The following FOXN3 variants were observed in gnomAD, a reference collection of about 807,000 sequenced individuals.
FOXN3 encodes the protein forkhead box protein N3.
FOXN3 carries 7 observed loss-of-function variants against 38.4 expected under a neutral mutation model. That is an observed-to-expected ratio of 0.18 (90% confidence interval 0.10 to 0.34). FOXN3 has a LOEUF of 0.34. Ranked by LOEUF, FOXN3 falls within the 10% of genes least tolerant of loss-of-function variation. FOXN3 has a pLI of 1.00. For synonymous variants in FOXN3, 230 were observed against 242.2 expected (o/e 0.95, Z 0.47); for missense variants, 456 against 613.4 (o/e 0.74, Z 2.71).
chr14:89,517,976 G>A (rs1894239611), intron 1 of FOXN3, among the ~76,000 whole-genome samples: 2 of 152,142 alleles, frequency 1.3e-5, no homozygotes, highest in Admixed American at 6.5e-5. Context: ...TTTTAAAAGA[G>A]CCAAAACAAG....
At chr14:89,291,609 C>T (rs1886875634) in intron 3 of FOXN3, 1 of 512,514 alleles carries the variant, frequency 2.0e-6, no homozygotes, top group Non-Finnish European at 3.8e-6. Context: ...CTTTGCTGCC[C>T]TGGGGTCCTG....
At chr14:89,444,871 G>A (rs572252770) in intron 1 of FOXN3, among the ~76,000 whole-genome samples, 4 of 152,156 alleles carry the variant, frequency 2.6e-5, no homozygotes, top group South Asian at 4.1e-4. Flanking sequence ...CTATAGTCCC[G>A]GCACTTTGGG....
At chr14:89,296,726 C>T (rs1472524086) in intron 3 of FOXN3, among the ~76,000 whole-genome samples, 1 of 152,356 alleles carries the variant, frequency 6.6e-6, no homozygotes, top group East Asian at 1.9e-4. Flanking sequence ...ACCTCCACCT[C>T]CTGGGCTCAA....
Position 89,157,586 on chromosome 14 carries a change from T to C in FOXN3, c.*4828A>G, listed in dbSNP as rs1261966189. ...GGAACACCACACAATGTATATACTT[T>C]GATTTACACATTCCGTTACAAAGGA... is the stretch of plus-strand genomic sequence containing the variant. On this transcript the variant is annotated 3_prime_UTR_variant, in exon 6 of 6. Coordinates refer to ENST00000557258, the MANE Select transcript of FOXN3 (RefSeq NM_005197.4). 1.3e-5 allele frequency: 2 copies of C among 152,758 alleles called. No individual in the cohort carries two copies. The highest frequency in any genetic ancestry group is 2.1e-4 in the South Asian group (1 of 4,826). 9.5% of individuals were successfully genotyped at this position (152,758 alleles called of 1,614,324 possible).
intron 2 of FOXN3, among the ~76,000 whole-genome samples, chr14:89,389,246 A>G (rs1566975016): frequency 6.6e-6 from 1 of 152,234 alleles, no homozygotes; most frequent in East Asian, 1.9e-4. Context: ...AAAAACTTAC[A>G]TGTTACAATG....
intron 1 of FOXN3, among the ~76,000 whole-genome samples, chr14:89,555,667 T>C (rs912846831): frequency 3.9e-5 from 6 of 152,178 alleles, no homozygotes; most frequent in Non-Finnish European, 8.8e-5. Flanking sequence ...TCTAAGCCCA[T>C]TCATTCATCC....
intron 4 of FOXN3, among the ~76,000 whole-genome samples, chr14:89,243,428 C>T (rs1012832668): frequency 4.6e-5 from 7 of 152,182 alleles, no homozygotes; most frequent in Admixed American, 1.3e-4. Context: ...CACAAACACC[C>T]GCATTGTATT....
intron 1 of FOXN3, among the ~76,000 whole-genome samples, chr14:89,525,159 C>G (rs1293429410): frequency 6.6e-6 from 1 of 152,108 alleles, no homozygotes; most frequent in Non-Finnish European, 1.5e-5. Flanking sequence ...ACCTACTGGG[C>G]TGCATTCCCA....
chr14:89,565,093 C>CAAAAA (rs59821937), intron 1 of FOXN3, among the ~76,000 whole-genome samples: 2 of 52,898 alleles, frequency 3.8e-5, no homozygotes, highest in African/African-American at 7.2e-5. Flanking sequence ...GAGCTCGTCT[C>CAAAAA]AAAAAAAAAA....
At chr14:89,252,654 C>CAAA (rs397827971) in intron 4 of FOXN3, among the ~76,000 whole-genome samples, 2 of 93,950 alleles carry the variant, frequency 2.1e-5, no homozygotes, top group Admixed American at 1.2e-4. Flanking sequence ...AACTCTATCT[C>CAAA]AAAAAAAAAA....
At chr14:89,617,331 G>A (rs570156606) in intron 1 of FOXN3, among the ~76,000 whole-genome samples, 12 of 152,286 alleles carry the variant, frequency 7.9e-5, no homozygotes, top group African/African-American at 2.4e-4. Flanking sequence ...TTCTTATATG[G>A]TGCAGAATGC....
chr14:89,254,654 C>G (rs1472537827), intron 4 of FOXN3, among the ~76,000 whole-genome samples: 1 of 152,156 alleles, frequency 6.6e-6, no homozygotes. Flanking sequence ...TAAAAAAACC[C>G]ATCTGTGTAC....
chr14:89,263,328 G>C (rs537945758), intron 4 of FOXN3, among the ~76,000 whole-genome samples: 1 of 151,574 alleles, frequency 6.6e-6, no homozygotes, highest in African/African-American at 2.4e-5. Flanking sequence ...TTACAGTTGT[G>C]AACCTAACTC....
intron 3 of FOXN3, among the ~76,000 whole-genome samples, chr14:89,323,218 G>T (rs1887942486): frequency 6.6e-6 from 1 of 150,742 alleles, no homozygotes; most frequent in Non-Finnish European, 1.5e-5. Flanking sequence ...AACCCAGGAG[G>T]CAGAGGTTGC....
intron 1 of FOXN3, chr14:89,494,048 T>C (rs964142547): frequency 1.3e-5 from 2 of 152,208 alleles, no homozygotes; most frequent in Non-Finnish European, 2.9e-5. Context: ...AGAAGGGGAA[T>C]GCCGCAACCC....
At chr14:89,301,237 G>T (rs1887208797) in intron 3 of FOXN3, among the ~76,000 whole-genome samples, 1 of 151,958 alleles carries the variant, frequency 6.6e-6, no homozygotes, top group African/African-American at 2.4e-5. Flanking sequence ...TTGGGAGACT[G>T]AGGCAGGAAG....
intron 4 of FOXN3, among the ~76,000 whole-genome samples, chr14:89,195,719 G>C (rs78873849): frequency 6.6e-6 from 1 of 152,118 alleles, no homozygotes; most frequent in Non-Finnish European, 1.5e-5. Flanking sequence ...TAGGAATGGA[G>C]ACCCACTTGG....
intron 3 of FOXN3, among the ~76,000 whole-genome samples, chr14:89,287,970 G>A (rs1286987783): frequency 6.6e-6 from 1 of 151,836 alleles, no homozygotes; most frequent in Non-Finnish European, 1.5e-5. Context: ...TGAGGTGGGT[G>A]GATCGCTTGA....
At chr14:89,551,111 G>C (rs1894997869) in intron 1 of FOXN3, among the ~76,000 whole-genome samples, 1 of 152,168 alleles carries the variant, frequency 6.6e-6, no homozygotes, top group African/African-American at 2.4e-5. Context: ...CCGGGATAGA[G>C]GTTTAAGCTT....
Sources: allele counts gnomAD v4.1 joint callset (sites outside exome capture counted in the v4.1 genomes callset), GRCh38; gene constraint gnomAD v4.1.1; transcripts MANE v1.5; gene names NCBI Gene and HGNC (gene_info 2026-07-23, HGNC 2026-07-21).